Variants in ATP1A3 observed in about 807,000 individuals in gnomAD.
The protein encoded by ATP1A3 is sodium/potassium-transporting ATPase subunit alpha-3.
Under a neutral mutation model 108.8 loss-of-function variants are expected in ATP1A3, and 12 were observed. The ratio of observed to expected loss-of-function variants is 0.11; its 90% CI spans 0.07 to 0.18. ATP1A3 has a LOEUF of 0.18. Among genes scored for constraint, ATP1A3 ranks in the 10% least tolerant of loss-of-function variants. The probability of loss-of-function intolerance (pLI) is 1.00; values close to 1 mark genes in which losing one functional copy is unlikely to be tolerated. For synonymous variants in ATP1A3, 539 were observed against 564.5 expected (o/e 0.95, Z 0.64); for missense variants, 498 against 1,387.7 (o/e 0.36, Z 10.19).
At chr19:41,983,063 T>C (rs1391253821) in intron 8 of ATP1A3, among the ~76,000 whole-genome samples, 4 of 152,130 alleles carry the variant, frequency 2.6e-5, no homozygotes, top group Non-Finnish European at 5.9e-5. Flanking sequence ...TCAACATTGC[T>C]AATATGGAAA....
In ATP1A3 at chr19:41,981,433, T is replaced by A; in HGVS notation, c.1437+69A>T. ...TACAGACGGGAAAATCAAGGCTCTA[T>A]GACACCTCTTTACAGGCGTCATAAG... On this transcript the variant is annotated intron_variant, in intron 11 of 22. Transcript: ENST00000648268. This position sits in a 1 kb window ranked among gnomAD's most constrained non-coding sequence, Gnocchi z 5.0. 6.2e-7 allele frequency: 1 copy of A among 1,611,148 alleles called. No individual in the cohort carries two copies. The highest frequency in any genetic ancestry group is 8.5e-7 in the Non-Finnish European group (1 of 1,177,682).
chr19:41,986,067 A>G, intron 5 of ATP1A3, 49 bp downstream of exon 5: 1 of 1,614,114 alleles, frequency 6.2e-7, no homozygotes, highest in Non-Finnish European at 8.5e-7. Context: ...CCCGGCCCCC[A>G]GCCCATACAC....
chr19:41,969,888 TC>T (rs2075083741), intron 18 of ATP1A3, among the ~76,000 whole-genome samples: 1 of 152,112 alleles, frequency 6.6e-6, no homozygotes, highest in Admixed American at 6.5e-5. Context: ...CAGCTTGAGC[TC>T]CCTACGCAGG....
chr19:41,993,783 A>G (rs1190749402), intron 1 of ATP1A3: 5 of 615,694 alleles, frequency 8.1e-6, no homozygotes, highest in African/African-American at 5.6e-5. Context: ...TCATACGCAC[A>G]TGCAACTGTG....
rs199625170 is a variant in ATP1A3 at position 41,978,709 on chromosome 19, G to A, written c.1527C>T (p.Ser509=). Residue 509 remains serine (S), a synonymous_variant, in exon 12 of 23, where the codon TCC becomes TCT. Transcript: ENST00000648268. The surrounding 1 kb of genome is among the most constrained non-coding windows in gnomAD (Gnocchi z 8.3). ...GCTCCTTGCCCTGTAGCAGGATGGT[G>A]GAGCAGCGGTCCAGGATGCGCTCGG... The part of the protein sequence containing the change: ...GAPERILDRC[S]TILLQGKEQP... The A allele has an allele frequency of 1.3e-3, 2,165 of 1,614,170 alleles. 49 individuals are homozygous for A. In the South Asian group the frequency reaches 0.022, roughly 17 times the overall value.
chr19:41,976,634 A>C (rs1485002271), intron 14 of ATP1A3, 68 bp from the exon 15 acceptor site: 2 of 1,604,066 alleles, frequency 1.2e-6, no homozygotes, highest in Non-Finnish European at 1.7e-6. Flanking sequence ...GATCCCTGAA[A>C]GACAGAGAAA....
chr19:41,987,789 T>G, intron 4 of ATP1A3, 147 bp downstream of exon 4: 1 of 1,108,090 alleles, frequency 9.0e-7, no homozygotes, highest in Non-Finnish European at 1.3e-6. Flanking sequence ...GTATTTGATC[T>G]GGTTCTCTTG....
At chr19:41,986,384 G>T in intron 4 of ATP1A3, 155 bp from the exon 5 acceptor site, 1 of 647,770 alleles carries the variant, frequency 1.5e-6, no homozygotes, top group Non-Finnish European at 2.7e-6. Context: ...GTGTGTCTGA[G>T]TCTCCCCTGT....
chr19:41,969,592 AG>A lies in ATP1A3; in HGVS notation c.2543-13del. The stretch of plus-strand genomic sequence containing the variant: ...AGCCTGGATCATTCCTGGAAGGAGG[AG>A]AGAGGAAGCCGAGGAGAGGCTCAGA... On this transcript the variant is annotated splice_polypyrimidine_tract_variant and intron_variant, in intron 18 of 22. Transcript: ENST00000648268. 3 of 1,613,052 alleles carry A rather than the reference AG, an allele frequency of 1.9e-6. No homozygotes were observed. The highest frequency in any genetic ancestry group is 2.5e-6 in the Non-Finnish European group (3 of 1,179,958).
Position 41,988,449 on chromosome 19 carries a change from G to T in ATP1A3, c.93+27C>A. ...AAGAACTGGCGAGGTTCTCTGGGAG[G>T]GTGTGCGGGCAGAGGGCGAGGCTTA... On this transcript the variant is annotated intron_variant, in intron 2 of 22. Coordinates refer to ENST00000648268, the MANE Select transcript of ATP1A3 (RefSeq NM_152296.5). This position sits in a 1 kb window ranked among gnomAD's most constrained non-coding sequence, Gnocchi z 5.3. 1 of 1,614,202 alleles carries T rather than the reference G, an allele frequency of 6.2e-7. No homozygotes were observed. Among genetic ancestry groups the T allele is most frequent in the South Asian group, 1.1e-5 (1 of 91,086 alleles).
rs372836589 is a variant in ATP1A3 at position 41,976,470 on chromosome 19, G to A, written c.2040C>T (p.Phe680=). The change falls in exon 15 of 23, where the codon TTC becomes TTT. Residue 680 remains phenylalanine (F), a synonymous_variant. Transcript: ENST00000648268. ...GCTTCTGCTGGGGGGATGTGCGGGCGAAGACGATCTCGGTGTGATTCTGCA... is the reference window on the plus strand; with the variant it reads ...GCTTCTGCTGGGGGGATGTGCGGGCAAAGACGATCTCGGTGTGATTCTGCA... ...EILQNHTEIV[F]ARTSPQQKLI... 172 of 1,614,096 alleles carry A rather than the reference G, an allele frequency of 1.1e-4. 1 individual carries two copies. Among genetic ancestry groups the A allele is most frequent in the Middle Eastern group, 3.3e-4 (2 of 6,084 alleles).
chr19:41,978,493 A>G lies in ATP1A3; in HGVS notation c.1630+113T>C. The G allele has an allele frequency of 8.0e-6, 12 of 1,507,882 alleles. No homozygotes were observed. The highest frequency in any genetic ancestry group is 2.2e-4 in the Middle Eastern group (1 of 4,502). The allele number at this position is 1,507,882 out of a possible 1,614,324, so 93.4% of individuals were successfully genotyped here. On this transcript the variant is annotated intron_variant, in intron 12 of 22. Transcript: ENST00000648268. The surrounding 1 kb of genome is among the most constrained non-coding windows in gnomAD (Gnocchi z 8.3). ...CTCTCATCCATCCATTCATTCATTC[A>G]TTCATTCATTTACAGTATATTCTGG...
In ATP1A3 at chr19:41,970,175, G is replaced by C. The variant is rs782693337; in HGVS notation, c.2542+10C>G. The C allele has an allele frequency of 2.5e-6, 4 of 1,614,226 alleles. No homozygotes were observed. Among genetic ancestry groups the C allele is most frequent in the South Asian group, 1.1e-5 (1 of 91,090 alleles). On this transcript the variant is annotated intron_variant, in intron 18 of 22. Coordinates refer to ENST00000648268, the MANE Select transcript of ATP1A3 (RefSeq NM_152296.5). ...TGGGTGGTAAGGAGATGGAGTCCCC[G>C]GTGCCTCACCAATCTGCCCGTAGGC...
intron 19 of ATP1A3, 89 bp from the exon 20 acceptor site, chr19:41,969,004 GC>G: frequency 6.3e-7 from 1 of 1,585,550 alleles, no homozygotes. Context: ...TCTTTGCCCC[GC>G]CCCATCCTGC....
chr19:41,968,737 C>CG lies in ATP1A3; in HGVS notation c.2819+47dup. On this transcript the variant is annotated intron_variant, in intron 20 of 22. Coordinates refer to ENST00000648268, the MANE Select transcript of ATP1A3 (RefSeq NM_152296.5). The surrounding 1 kb of genome is among the most constrained non-coding windows in gnomAD (Gnocchi z 5.0). Reference sequence around the variant, plus strand: ...GGAAGTACACAGACAGACAGACACTCGGACAGGACAGATGGCTGTCCAGTC... The same window carrying CG: ...GGAAGTACACAGACAGACAGACACTCGGGACAGGACAGATGGCTGTCCAGTC... The CG allele has an allele frequency of 6.2e-7, 1 of 1,611,820 alleles. No homozygotes were observed. Among genetic ancestry groups the CG allele is most frequent in the Non-Finnish European group, 8.5e-7 (1 of 1,178,498 alleles).
At chr19:41,986,735 T>A (rs2075290531) in intron 4 of ATP1A3, 1 of 143,364 alleles carries the variant, frequency 7.0e-6, no homozygotes, top group Non-Finnish European at 1.4e-5. Flanking sequence ...CCATCTTTCC[T>A]GGCATTTTTT....
rs782361289 is a variant in ATP1A3 at position 41,968,965 on chromosome 19, C to T, written c.2689-50G>A. ...GGGACGTCAGTTAGTGGCACTGCAGCCCTAGCCGCCACCCCGACGTTCCGG... is the reference window on the plus strand; with the variant it reads ...GGGACGTCAGTTAGTGGCACTGCAGTCCTAGCCGCCACCCCGACGTTCCGG... On this transcript the variant is annotated intron_variant, in intron 19 of 22. Transcript: ENST00000648268. The surrounding 1 kb of genome is among the most constrained non-coding windows in gnomAD (Gnocchi z 5.0). 1.9e-6 allele frequency: 3 copies of T among 1,611,922 alleles called. No individual in the cohort carries two copies. Among genetic ancestry groups the T allele is most frequent in the Admixed American group, 1.7e-5 (1 of 59,942 alleles).
chr19:41,980,110 C>T (rs2075213920), intron 11 of ATP1A3, among the ~76,000 whole-genome samples: 1 of 152,262 alleles, frequency 6.6e-6, no homozygotes, highest in Non-Finnish European at 1.5e-5. Flanking sequence ...GCTGTGCCTG[C>T]TACCGGAGCG....
intron 1 of ATP1A3, among the ~76,000 whole-genome samples, chr19:41,990,644 ATCTCTCTCTCTCTT>A (rs1272604400): frequency 1.6e-5 from 2 of 125,974 alleles, no homozygotes; most frequent in Admixed American, 8.1e-5. Flanking sequence ...GCTCTCCTCA[ATCTCTCTCTCTCTT>A]TCTCTCTCTC....
Sources: allele counts gnomAD v4.1 joint callset (sites outside exome capture counted in the v4.1 genomes callset), GRCh38; gene constraint gnomAD v4.1.1; non-coding constraint Gnocchi (gnomAD v3.1); transcripts MANE v1.5; gene names NCBI Gene and HGNC (gene_info 2026-07-23, HGNC 2026-07-21).